Variants in SAMMSON observed in about 807,000 individuals in gnomAD.
SAMMSON encodes long intergenic non-protein coding RNA 1212.
rs1313724895 is a variant in SAMMSON at position 70,290,766 on chromosome 3, G to A, written n.675-413G>A. Reference sequence around the variant, plus strand: ...GGTGCAGGTTATAATCTCGTGGTGCGCCGTTTTTTAAGCTTGTCGGAAAAG... The same window carrying A: ...GGTGCAGGTTATAATCTCGTGGTGCACCGTTTTTTAAGCTTGTCGGAAAAG... On this transcript the variant is annotated intron_variant and non_coding_transcript_variant, in intron 6 of 9. Transcript: ENST00000642114. Among the ~76,000 whole-genome samples, 7 of 152,268 alleles carry A rather than the reference G, an allele frequency of 4.6e-5. 1 individual carries two copies. Among genetic ancestry groups the A allele is most frequent in the Middle Eastern group, 6.8e-3 (2 of 294 alleles).
chr3:70,357,058 G>T (rs945570534), intron 8 of SAMMSON, among the ~76,000 whole-genome samples: 1 of 152,122 alleles, frequency 6.6e-6, no homozygotes, highest in African/African-American at 2.4e-5. Flanking sequence ...TATTCTGGGG[G>T]TTTTAACCAA....
chr3:70,243,130 A>G lies in SAMMSON; in HGVS notation n.508-5977A>G, dbSNP rs755236714. Among the ~76,000 whole-genome samples, 86 of 152,212 alleles carry G rather than the reference A, an allele frequency of 5.7e-4. No individual in the cohort carries two copies. The Middle Eastern group carries it at 0.01, about 18-fold the overall frequency. ...CTTAATGATAATCCTTCTCTAGACT[A>G]TATTGTTTCCTGTGCCTTTTGTCTT... On this transcript the variant is annotated intron_variant and non_coding_transcript_variant, in intron 4 of 9. Coordinates refer to ENST00000642114, the Ensembl canonical transcript of SAMMSON.
chr3:70,249,022 G>T (rs59550662), intron 4 of SAMMSON: 2 of 152,046 alleles, frequency 1.3e-5, no homozygotes, highest in East Asian at 3.9e-4. Flanking sequence ...AGATATTATC[G>T]TAAGTTCACA....
At chr3:70,411,513 A>T (rs766580400) in intron 2 of SAMMSON, among the ~76,000 whole-genome samples, 1 of 152,064 alleles carries the variant, frequency 6.6e-6, no homozygotes, top group Non-Finnish European at 1.5e-5. Context: ...GGTTCTTGTG[A>T]TGTTAACTGG....
rs1321824847 is a variant in SAMMSON at position 70,290,262 on chromosome 3, T to TA, written n.675-916dup. 9.7e-4 allele frequency among the ~76,000 whole-genome samples: 147 copies of TA among 152,316 alleles called. 1 individual carries two copies. Among genetic ancestry groups the TA allele is most frequent in the African/African-American group, 3.3e-3 (139 of 41,566 alleles). ...TGGTGTGGATGTCCTTTCTGTTTGT[T>TA]AGTTTTCCTTCTAACAGACGGGACT... is the stretch of plus-strand genomic sequence containing the variant. On this transcript the variant is annotated intron_variant and non_coding_transcript_variant, in intron 6 of 9. Transcript: ENST00000642114.
intron 2 of SAMMSON, among the ~76,000 whole-genome samples, chr3:70,427,665 G>T (rs11921163): frequency 0.23 from 34,188 of 151,186 alleles, 3,917 homozygotes; most frequent in Middle Eastern, 0.3. Flanking sequence ...ATGAACCCGG[G>T]AGGCGGAGCT....
chr3:70,278,306 T>C (rs1702047891), intron 6 of SAMMSON, among the ~76,000 whole-genome samples: 1 of 152,244 alleles, frequency 6.6e-6, no homozygotes, highest in Admixed American at 6.5e-5. Flanking sequence ...GGACTACATA[T>C]GTGTATGTAC....
chr3:70,284,055 G>A (rs1374974275), intron 6 of SAMMSON, among the ~76,000 whole-genome samples: 1 of 151,998 alleles, frequency 6.6e-6, no homozygotes, highest in African/African-American at 2.4e-5. Context: ...TTAAAATCCT[G>A]GAATGAACTT....
intron 3 of SAMMSON, among the ~76,000 whole-genome samples, chr3:70,050,981 C>A (rs1370817354): frequency 2.6e-5 from 4 of 151,004 alleles, no homozygotes; most frequent in Non-Finnish European, 4.4e-5. Flanking sequence ...ACTAAAAATA[C>A]AAAAATTAGC....
intron 4 of SAMMSON, among the ~76,000 whole-genome samples, chr3:70,202,428 G>C (rs565505844): frequency 1.3e-5 from 2 of 152,258 alleles, no homozygotes; most frequent in African/African-American, 2.4e-5. Context: ...GAGCCTTCTT[G>C]TTGTTGCTAA....
chr3:70,419,512 A>G (rs115348637), intron 2 of SAMMSON, among the ~76,000 whole-genome samples: 1,625 of 152,270 alleles, frequency 0.011, 23 homozygotes, highest in African/African-American at 0.037. Context: ...AGATATTTCT[A>G]TATCTGCTAA....
intron 7 of SAMMSON, among the ~76,000 whole-genome samples, chr3:70,310,756 T>C (rs1408299337): frequency 6.6e-6 from 1 of 152,182 alleles, no homozygotes; most frequent in Non-Finnish European, 1.5e-5. Context: ...GGTGTTGATT[T>C]CAACACTGTA....
At chr3:70,045,040 T>TATA (rs2067119542) in intron 3 of SAMMSON, among the ~76,000 whole-genome samples, 1 of 124,508 alleles carries the variant, frequency 8.0e-6, no homozygotes, top group African/African-American at 3.1e-5. Context: ...TATATTATAA[T>TATA]TAATATATAT....
At chr3:70,144,925 A>T (rs905277724) in intron 4 of SAMMSON, among the ~76,000 whole-genome samples, 27 of 152,124 alleles carry the variant, frequency 1.8e-4, no homozygotes, top group Admixed American at 3.9e-4. Context: ...GTATGTCTTT[A>T]TCAGCAGTAT....
chr3:70,429,404 C>T (rs1361308621), intron 2 of SAMMSON, among the ~76,000 whole-genome samples: 1 of 152,114 alleles, frequency 6.6e-6, no homozygotes, highest in Admixed American at 6.5e-5. Context: ...TAGCATGATG[C>T]CTCCAGCTTT....
intron 2 of SAMMSON, among the ~76,000 whole-genome samples, chr3:70,400,505 A>G (rs917204928): frequency 2.0e-5 from 3 of 152,182 alleles, no homozygotes; most frequent in Non-Finnish European, 4.4e-5. Context: ...TAAGGCTCTC[A>G]CCAGACGCAG....
chr3:70,208,084 A>C (rs1701309558), intron 4 of SAMMSON, among the ~76,000 whole-genome samples: 1 of 152,200 alleles, frequency 6.6e-6, no homozygotes, highest in South Asian at 2.1e-4. Context: ...TGTTAGAGAG[A>C]GGACCAGACT....
chr3:70,361,667 G>A (rs1438652599), intron 9 of SAMMSON, among the ~76,000 whole-genome samples: 2 of 152,140 alleles, frequency 1.3e-5, no homozygotes, highest in South Asian at 2.1e-4. Flanking sequence ...ATACAAAGTT[G>A]TGCATACTCT....
At chr3:70,339,575 C>T (rs1425599138) in intron 7 of SAMMSON, among the ~76,000 whole-genome samples, 1 of 152,118 alleles carries the variant, frequency 6.6e-6, no homozygotes, top group African/African-American at 2.4e-5. Flanking sequence ...CAAACAACCC[C>T]ATCAGCAAGT....
Sources: allele counts gnomAD v4.1 joint callset (sites outside exome capture counted in the v4.1 genomes callset), GRCh38; gene constraint gnomAD v4.1.1; transcripts MANE v1.5; gene names NCBI Gene and HGNC (gene_info 2026-07-23, HGNC 2026-07-21).